Variants in POU6F2 observed in about 807,000 individuals in gnomAD.
POU6F2 encodes POU domain, class 6, transcription factor 2.
Under a neutral mutation model 71.3 loss-of-function variants are expected in POU6F2, and 31 were observed. That is an observed-to-expected ratio of 0.43 (90% CI 0.33 to 0.59). POU6F2 has a LOEUF of 0.59. POU6F2 is among the 20% of genes least tolerant of loss of function. The pLI is 0.04. For synonymous variants in POU6F2, 347 were observed against 355.7 expected (o/e 0.98, Z 0.27); for missense variants, 783 against 856.8 (o/e 0.91, Z 1.07).
At chr7:39,349,414 G>A (rs1786096449) in intron 5 of POU6F2, among the ~76,000 whole-genome samples, 1 of 152,060 alleles carries the variant, frequency 6.6e-6, no homozygotes. Context: ...GGGTGCCCCT[G>A]GACCACGTAG....
chr7:39,146,748 A>C (rs1314602452), intron 2 of POU6F2, among the ~76,000 whole-genome samples: 1 of 152,180 alleles, frequency 6.6e-6, no homozygotes, highest in Non-Finnish European at 1.5e-5. Flanking sequence ...TCTGATTCTC[A>C]TCGAGGCACA....
intron 1 of POU6F2, among the ~76,000 whole-genome samples, chr7:39,021,915 C>T (rs561245861): frequency 6.6e-6 from 1 of 152,066 alleles, no homozygotes; most frequent in Admixed American, 6.6e-5. Flanking sequence ...ACAGTTTTAG[C>T]ATTTTTCTTT....
At chr7:39,260,509 A>AC (rs1320552118) in intron 4 of POU6F2, among the ~76,000 whole-genome samples, 50 of 149,924 alleles carry the variant, frequency 3.3e-4, no homozygotes, top group African/African-American at 1.2e-3. Flanking sequence ...TGCTTCACAC[A>AC]CACCACACCA....
intron 2 of POU6F2, among the ~76,000 whole-genome samples, chr7:39,176,840 G>T (rs1170311841): frequency 6.6e-6 from 1 of 152,188 alleles, no homozygotes; most frequent in African/African-American, 2.4e-5. Flanking sequence ...ATAAATCACA[G>T]TAGCCTTAGT....
rs1788434839 is a variant in POU6F2, at chr7:39,442,774, T to TGGC, written c.1321-8759_1321-8758insGGC. 2.6e-5 allele frequency among the ~76,000 whole-genome samples: 4 copies of TGGC among 152,222 alleles called. No individual in the cohort carries two copies. The South Asian group carries it at 8.3e-4, about 32-fold the overall frequency. On this transcript the variant is annotated intron_variant, in intron 7 of 9. Coordinates refer to ENST00000518318, the MANE Select transcript of POU6F2 (RefSeq NM_001370959.1). ...CTTTTGCTACAATCTGCTAAAAACC[T>TGGC]TTTCTGTCAGCAAAGCCAGTTGTAA... is the stretch of plus-strand genomic sequence containing the variant.
At chr7:39,354,215 T>C (rs1786207158) in intron 5 of POU6F2, among the ~76,000 whole-genome samples, 1 of 152,264 alleles carries the variant, frequency 6.6e-6, no homozygotes, top group Admixed American at 6.5e-5. Context: ...GTGAGCTTTT[T>C]AATCTCAGCC....
chr7:38,988,958 TTCC>T, intron 1 of POU6F2, among the ~76,000 whole-genome samples: 1 of 152,268 alleles, frequency 6.6e-6, no homozygotes, highest in Non-Finnish European at 1.5e-5. Context: ...TTTCCTCTTT[TTCC>T]TCCTCCTACT....
chr7:39,390,475 C>T lies in POU6F2; in HGVS notation c.973-16125C>T, dbSNP rs191315018. The stretch of plus-strand genomic sequence containing the variant: ...GATGTGTTTGTGAATTCTTAAAGCT[C>T]ATGCATCTCCATGATTCTTGTTAAA... On this transcript the variant is annotated intron_variant, in intron 5 of 9. Transcript: ENST00000518318. Among the ~76,000 whole-genome samples, 1,211 of 152,310 alleles carry T rather than the reference C, an allele frequency of 8.0e-3. 53 individuals carry two copies. Among genetic ancestry groups the T allele is most frequent in the Admixed American group, 0.072 (1,105 of 15,300 alleles).
At chr7:39,436,071 T>G (rs1476756715) in intron 7 of POU6F2, among the ~76,000 whole-genome samples, 2 of 152,220 alleles carry the variant, frequency 1.3e-5, no homozygotes, top group African/African-American at 2.4e-5. Flanking sequence ...CCTCCAGTTT[T>G]GTTCTTTTTG....
At position 39,211,055 on chromosome 7, in the gene POU6F2, G is replaced by A. The variant is rs555469751; in HGVS notation, c.598+3435G>A. Among the ~76,000 whole-genome samples the A allele has an allele frequency of 2.0e-5, 3 of 152,252 alleles. No individual in the cohort carries two copies. The South Asian group carries it at 6.2e-4, about 32-fold the overall frequency. ...CTTTTTACTGTGTCCTCCCACCACA[G>A]AAGGTATGAGAGAACTCTCAGGGTT... is the stretch of plus-strand genomic sequence containing the variant. On this transcript the variant is annotated intron_variant, in intron 4 of 9. Transcript: ENST00000518318.
chr7:38,993,611 AACACACACACACACAC>A (rs10553247), intron 1 of POU6F2, among the ~76,000 whole-genome samples: 7 of 130,604 alleles, frequency 5.4e-5, no homozygotes, highest in Non-Finnish European at 8.5e-5. Flanking sequence ...CAGGATTTTA[AACACACACACACACAC>A]ACACACACAC....
In POU6F2 at chr7:39,230,332, A is replaced by T. The variant is rs114340537; in HGVS notation, c.598+22712A>T. ...TGTCTCTACCAAAAATTAAAAAAAA[A>T]AATTTAGCTGGGTGTAGTGGTGCAT... On this transcript the variant is annotated intron_variant, in intron 4 of 9. Transcript: ENST00000518318. Among the ~76,000 whole-genome samples, 227 of 152,220 alleles carry T rather than the reference A, an allele frequency of 1.5e-3. 1 individual carries two copies. Among genetic ancestry groups the T allele is most frequent in the African/African-American group, 5.2e-3 (215 of 41,558 alleles).
At position 39,095,853 on chromosome 7, in the gene POU6F2, G is replaced by A. The variant is rs954323825; in HGVS notation, c.277+9822G>A. 3.3e-5 allele frequency among the ~76,000 whole-genome samples: 5 copies of A among 152,160 alleles called. 1 individual carries two copies. The highest frequency in any genetic ancestry group is 9.7e-5 in the African/African-American group (4 of 41,444). On this transcript the variant is annotated intron_variant, in intron 2 of 9. Coordinates refer to ENST00000518318, the MANE Select transcript of POU6F2 (RefSeq NM_001370959.1). ...AAGATTCTTAGATAAAAGGCAAAAT[G>A]CAGCAAGCCCATTGTTGATCTTGAT...
At chr7:39,153,204 T>TA (rs1405746469) in intron 2 of POU6F2, among the ~76,000 whole-genome samples, 1 of 151,904 alleles carries the variant, frequency 6.6e-6, no homozygotes, top group African/African-American at 2.4e-5. Context: ...TATATATATA[T>TA]TATTATGAAG....
chr7:39,453,329 G>T (rs556466661), intron 8 of POU6F2, among the ~76,000 whole-genome samples: 1 of 152,026 alleles, frequency 6.6e-6, no homozygotes, highest in Non-Finnish European at 1.5e-5. Context: ...TTTTCCTCGG[G>T]AAGAGTCAAA....
intron 1 of POU6F2, among the ~76,000 whole-genome samples, chr7:39,046,081 A>G (rs751273350): frequency 1.5e-4 from 23 of 151,896 alleles, no homozygotes; most frequent in African/African-American, 7.2e-5. Flanking sequence ...TCAGCAGGAT[A>G]TAACAGCTCA....
At chr7:38,979,384 T>C (rs1468597567) in intron 1 of POU6F2, among the ~76,000 whole-genome samples, 16 of 152,218 alleles carry the variant, frequency 1.1e-4, no homozygotes. Context: ...GCATGCTTGC[T>C]TCATAATGTA....
At chr7:39,010,392 C>T (rs1368295484) in intron 1 of POU6F2, among the ~76,000 whole-genome samples, 2 of 149,838 alleles carry the variant, frequency 1.3e-5, no homozygotes, top group Admixed American at 6.7e-5. Context: ...TTTTTTATTG[C>T]ATCTATTTGA....
At chr7:39,386,833 A>T (rs1197961478) in intron 5 of POU6F2, among the ~76,000 whole-genome samples, 1 of 152,254 alleles carries the variant, frequency 6.6e-6, no homozygotes, top group Non-Finnish European at 1.5e-5. Context: ...TCTTCAACGC[A>T]CACACAAAAA....
Sources: allele counts gnomAD v4.1 joint callset (sites outside exome capture counted in the v4.1 genomes callset), GRCh38; gene constraint gnomAD v4.1.1; transcripts MANE v1.5; gene names NCBI Gene and HGNC (gene_info 2026-07-23, HGNC 2026-07-21).